DISP3: variants seen among roughly 807,000 people sequenced by gnomAD.
DISP3 encodes protein dispatched homolog 3.
A neutral mutation model predicts 135.3 loss-of-function variants in DISP3; 101 were observed. That is an observed-to-expected ratio of 0.75 (90% CI 0.64 to 0.88). The LOEUF is 0.88. Among genes scored for constraint, DISP3 ranks in the 40% least tolerant of loss-of-function variants. The probability of loss-of-function intolerance (pLI) is 0.00; values close to 1 mark genes in which losing one functional copy is unlikely to be tolerated. For missense variants in DISP3, 1,713 were observed against 1,878.6 expected (o/e 0.91, Z 1.63); for synonymous variants, 856 against 817.0 (o/e 1.05, Z -0.81).
At position 11,502,821 on chromosome 1, in the gene DISP3, C is replaced by T. The variant is rs576336989; in HGVS notation, c.1240C>T (p.Arg414Cys). The change falls in exon 3 of 21, where the codon CGC becomes TGC. Residue 414 changes from arginine to cysteine, a missense_variant. Arg to Cys is a radical substitution (Grantham distance 180). This residue lies in a region of DISP3 where 1,142 missense variants were observed against 1,384.6 expected (regional missense o/e 0.82). Transcript: ENST00000294484. ...GCCCAACTACTACTCAGTAGATGAC[C>T]GCTGGGAGGAACAACGGGCTAAGTT... ...PLPNYYSVDD[R>C]WEEQRAKFQS... The T allele has an allele frequency of 3.3e-5, 53 of 1,614,062 alleles. No homozygotes were observed. The highest frequency in any genetic ancestry group is 4.5e-5 in the East Asian group (2 of 44,892).
In DISP3 at chr1:11,501,486, C is replaced by A; in HGVS notation, c.494C>A (p.Ser165Ter). The A allele has an allele frequency of 1.2e-6, 2 of 1,605,932 alleles. No individual in the cohort carries two copies. Among genetic ancestry groups the A allele is most frequent in the Non-Finnish European group, 1.7e-6 (2 of 1,176,274 alleles). ...QLQQLHLGNR[S>*]RQASRAPRVI... ...CAGCAGCTGCATCTCGGCAACCGCT[C>A]GCGGCAAGCCTCCCGAGCCCCCCGC... Residue 165 changes from serine to a stop codon, truncating the protein, a stop_gained, in exon 2 of 21, where the codon TCG (serine) becomes TAG (stop). Transcript: ENST00000294484. LOFTEE classifies it high-confidence loss of function. This position sits in a 1 kb window ranked among gnomAD's most constrained non-coding sequence, Gnocchi z 4.9.
chr1:11,494,491 A>G (rs1641275579), intron 1 of DISP3, among the ~76,000 whole-genome samples: 2 of 152,232 alleles, frequency 1.3e-5, no homozygotes, highest in African/African-American at 4.8e-5. Context: ...GCACATAGCC[A>G]GGACATCCGG....
chr1:11,508,020 TAAC>T (rs1478729781), intron 3 of DISP3, among the ~76,000 whole-genome samples: 1 of 152,234 alleles, frequency 6.6e-6, no homozygotes, highest in Non-Finnish European at 1.5e-5. Context: ...TTTACATTTT[TAAC>T]AACTTTATTG....
chr1:11,489,963 T>C (rs1641137927), intron 1 of DISP3, among the ~76,000 whole-genome samples: 1 of 152,206 alleles, frequency 6.6e-6, no homozygotes, highest in Admixed American at 6.5e-5. Flanking sequence ...GCCGTAGTTA[T>C]TGGTCATATA....
At position 11,501,010 on chromosome 1, in the gene DISP3, C is replaced by A. The variant is rs983401177; in HGVS notation, c.18C>A (p.Asp6Glu). MDTED[D>E]PLLQDVWLEE... is the part of the protein sequence containing the mutation. Reference sequence around the variant, plus strand: ...TGCAGACTATGGACACGGAGGATGACCCCTTGCTGCAGGATGTGTGGCTAG... The same window carrying A: ...TGCAGACTATGGACACGGAGGATGAACCCTTGCTGCAGGATGTGTGGCTAG... The change falls in exon 2 of 21, where the codon GAC becomes GAA. Residue 6 changes from aspartate (D) to glutamate (E), a missense_variant. By Grantham distance (45) the Asp-to-Glu change is conservative (BLOSUM62 2). This residue lies in a region of DISP3 where 571 missense variants were observed against 494.1 expected (regional missense o/e 1.16). Transcript: ENST00000294484. This position sits in a 1 kb window ranked among gnomAD's most constrained non-coding sequence, Gnocchi z 4.9. 1.9e-6 allele frequency: 3 copies of A among 1,614,008 alleles called. No homozygotes were observed. In the African/African-American group the frequency reaches 4.0e-5, roughly 22 times the overall value.
In DISP3 at chr1:11,514,501, G is replaced by A; in HGVS notation, c.1428G>A (p.Leu476=). ...AFISSSCIAA[L]VYILTSCSVF... ...TCAGCAGCAGCTGCATTGCTGCCCT[G>A]GTCTACATCCTCACCTCCTGCTCAG... Residue 476 remains leucine (L), a synonymous_variant, in exon 4 of 21, where the codon CTG becomes CTA. Transcript: ENST00000294484. The A allele has an allele frequency of 6.2e-7, 1 of 1,614,104 alleles. No individual in the cohort carries two copies. The highest frequency in any genetic ancestry group is 8.5e-7 in the Non-Finnish European group (1 of 1,179,980).
chr1:11,482,913 C>T (rs1285838260), intron 1 of DISP3, among the ~76,000 whole-genome samples: 3 of 152,206 alleles, frequency 2.0e-5, no homozygotes, highest in Non-Finnish European at 4.4e-5. Flanking sequence ...CCCTTCCAAG[C>T]TAGATTCCAA....
intron 3 of DISP3, among the ~76,000 whole-genome samples, chr1:11,506,550 G>A (rs562256347): frequency 1.3e-5 from 2 of 151,054 alleles, no homozygotes; most frequent in African/African-American, 2.4e-5. Context: ...GTTATTGTTC[G>A]GTTTTTCCTT....
chr1:11,536,755 C>T lies in DISP3; in HGVS notation c.*69C>T, dbSNP rs1461130708. ...GGGGGACAGGAGCTGCTTCCCAGCTCGACTTCAGCTAGCTGTGTCCCCAGG... is the reference window on the plus strand; with the variant it reads ...GGGGGACAGGAGCTGCTTCCCAGCTTGACTTCAGCTAGCTGTGTCCCCAGG... On this transcript the variant is annotated 3_prime_UTR_variant, in exon 21 of 21. Coordinates refer to ENST00000294484, the MANE Select transcript of DISP3 (RefSeq NM_020780.2). The surrounding 1 kb of genome is among the most constrained non-coding windows in gnomAD (Gnocchi z 4.3). 2.1e-5 allele frequency: 31 copies of T among 1,448,300 alleles called. No individual in the cohort carries two copies. Among genetic ancestry groups the T allele is most frequent in the South Asian group, 2.9e-5 (2 of 68,668 alleles). The allele number at this position is 1,448,300 out of a possible 1,614,324, so 89.7% of individuals were successfully genotyped here.
chr1:11,530,613 T>C (rs1169367174), intron 15 of DISP3, among the ~76,000 whole-genome samples: 5 of 147,310 alleles, frequency 3.4e-5, no homozygotes, highest in African/African-American at 2.5e-5. Context: ...TGTGGCTGTC[T>C]GGGAGGGTGG....
intron 1 of DISP3, among the ~76,000 whole-genome samples, chr1:11,498,455 G>A (rs760033995): frequency 7.2e-5 from 11 of 152,124 alleles, no homozygotes; most frequent in Admixed American, 1.3e-4. Flanking sequence ...GTAACACAGT[G>A]GCTGATCCCA....
chr1:11,503,022 G>C (rs1447825121), intron 3 of DISP3, 125 bp downstream of exon 3: 1 of 868,372 alleles, frequency 1.2e-6, no homozygotes, highest in Non-Finnish European at 1.7e-6. Flanking sequence ...TTCCAAATTG[G>C]GGCAGAACCA....
chr1:11,500,887 T>A (rs1641486646), intron 1 of DISP3, 103 bp from the exon 2 acceptor site: 5 of 1,297,614 alleles, frequency 3.9e-6, no homozygotes, highest in African/African-American at 1.5e-5. Context: ...TAGTATTTGG[T>A]TATGAGTGGA....
Position 11,534,481 on chromosome 1 carries a change from T to C in DISP3, c.3476T>C (p.Val1159Ala), listed in dbSNP as rs746826905. ...CTGCAGGCCTTGCCCGAGGGCTCAG[T>C]CCTGCGCCGGGGCTTCCAGACCTGC... ...QQLQALPEGSVLRRGFQTCEH... is the reference protein window; with the variant it reads ...QQLQALPEGSALRRGFQTCEH... Residue 1159 changes from valine (V) to alanine (A), a missense_variant, in exon 18 of 21, where the codon GTC (valine) becomes GCC (alanine). This residue lies in a region of DISP3 where 1,142 missense variants were observed against 1,384.6 expected (regional missense o/e 0.82). Transcript: ENST00000294484. 1 of 1,613,972 alleles carries C rather than the reference T, an allele frequency of 6.2e-7. No homozygotes were observed. The highest frequency in any genetic ancestry group is 8.5e-7 in the Non-Finnish European group (1 of 1,180,032).
At chr1:11,527,244 G>A (rs1232917945) in intron 13 of DISP3, among the ~76,000 whole-genome samples, 2 of 151,972 alleles carry the variant, frequency 1.3e-5, no homozygotes, top group Admixed American at 6.5e-5. Flanking sequence ...CCTGAGGGAT[G>A]CCAGCAGACT....
At position 11,531,065 on chromosome 1, in the gene DISP3, A is replaced by T. The variant is rs901234341; in HGVS notation, c.3229+32A>T. ...GGGGTGTGGGGAGCTGGTTCCTCCG[A>T]GGGAGGATGGACTGACTGGGGAGGC... On this transcript the variant is annotated intron_variant, in intron 16 of 20. Coordinates refer to ENST00000294484, the MANE Select transcript of DISP3 (RefSeq NM_020780.2). The surrounding 1 kb of genome is among the most constrained non-coding windows in gnomAD (Gnocchi z 5.2). 5.6e-6 allele frequency: 9 copies of T among 1,610,310 alleles called. No homozygotes were observed. The East Asian group carries it at 2.0e-4, about 36-fold the overall frequency.
At chr1:11,481,827 A>G (rs1363369051) in intron 1 of DISP3, 1 of 152,184 alleles carries the variant, frequency 6.6e-6, no homozygotes, top group Non-Finnish European at 1.5e-5. Flanking sequence ...AGCACCCACC[A>G]CTAGTGAAGT....
Position 11,525,202 on chromosome 1 carries a change from A to G in DISP3, c.2503A>G (p.Lys835Glu), listed in dbSNP as rs545835652. The change falls in exon 12 of 21, where the codon AAA becomes GAA. Residue 835 changes from lysine (K) to glutamate (E), a missense_variant. This residue lies in a region of DISP3 where 1,142 missense variants were observed against 1,384.6 expected (regional missense o/e 0.82). Coordinates refer to ENST00000294484, the MANE Select transcript of DISP3 (RefSeq NM_020780.2). ...QDFPGTVYIS[K>E]VKSQGHPAVY... is the part of the protein sequence containing the mutation. ...TTTCCCAGGCACCGTGTACATCTCTAAAGTGAAGAGTCAAGGCCACCCCGC... is the reference window on the plus strand; with the variant it reads ...TTTCCCAGGCACCGTGTACATCTCTGAAGTGAAGAGTCAAGGCCACCCCGC... The G allele has an allele frequency of 1.2e-6, 2 of 1,613,942 alleles. No individual in the cohort carries two copies. Among genetic ancestry groups the G allele is most frequent in the African/African-American group, 2.7e-5 (2 of 75,010 alleles).
At chr1:11,493,654 G>A (rs947838577) in intron 1 of DISP3, among the ~76,000 whole-genome samples, 1 of 152,066 alleles carries the variant, frequency 6.6e-6, no homozygotes. Context: ...AACCTCAGAG[G>A]TGGAGGTTGC....
Sources: gnomAD v4.1 joint callset for allele counts (sites outside exome capture counted in the v4.1 genomes callset) on GRCh38, gnomAD v4.1.1 for gene constraint, gnomAD v4.1.1 regional missense constraint, Gnocchi (gnomAD v3.1) non-coding constraint, MANE v1.5 for transcripts, NCBI Gene and HGNC (gene_info 2026-07-23, HGNC 2026-07-21) for gene names.